PAPPA2: variants seen among roughly 807,000 people sequenced by gnomAD.
PAPPA2 encodes the protein pappalysin-2.
PAPPA2 carries 86 observed loss-of-function variants against 176.4 expected under a neutral mutation model. The ratio of observed to expected loss-of-function variants is 0.49; its 90% CI spans 0.41 to 0.58. The LOEUF is 0.58. Among genes scored for constraint, PAPPA2 ranks in the 20% least tolerant of loss-of-function variants. The pLI, the probability that PAPPA2 is intolerant of heterozygous loss-of-function variation, is 0.00. For missense variants in PAPPA2, 2,073 were observed against 2,256.9 expected, an observed-to-expected ratio of 0.92 and a Z score of 1.65; for synonymous variants, 809 against 852.2, an observed-to-expected ratio of 0.95 and a Z score of 0.88.
chr1:176,633,836 GA>G (rs1234049069), intron 3 of PAPPA2, among the ~76,000 whole-genome samples: 2 of 152,300 alleles, frequency 1.3e-5, no homozygotes, highest in East Asian at 3.9e-4. Flanking sequence ...ACAGACACAT[GA>G]AAAAATGCTC....
chr1:176,614,255 C>T (rs1311660603), intron 3 of PAPPA2, among the ~76,000 whole-genome samples: 1 of 152,128 alleles, frequency 6.6e-6, no homozygotes, highest in Non-Finnish European at 1.5e-5. Context: ...ATTTACCAGC[C>T]TTTACTAAGT....
At chr1:176,719,015 C>T (rs2102846523) in intron 12 of PAPPA2, among the ~76,000 whole-genome samples, 1 of 152,062 alleles carries the variant, frequency 6.6e-6, no homozygotes, top group Admixed American at 6.5e-5. Flanking sequence ...TTATATTCCT[C>T]CAAAAAAATC....
chr1:176,692,537 C>G (rs570556202), intron 6 of PAPPA2, among the ~76,000 whole-genome samples: 26 of 152,350 alleles, frequency 1.7e-4, no homozygotes, highest in South Asian at 1.4e-3. Context: ...GCTCACTCCC[C>G]CCTCAGGGAG....
rs1651322080 is a variant in PAPPA2, at chr1:176,556,719, A to T, written c.397A>T (p.Ser133Cys). 1 of 1,613,998 alleles carries T rather than the reference A, an allele frequency of 6.2e-7. No homozygotes were observed. Among genetic ancestry groups the T allele is most frequent in the African/African-American group, 1.3e-5 (1 of 74,932 alleles). Residue 133 changes from serine to cysteine, a missense_variant, in exon 2 of 23, where the codon AGT becomes TGT. Physicochemically the swap from Ser to Cys is moderately radical, Grantham distance 112 (BLOSUM62 -1). Transcript: ENST00000367662. ...EEPAAPWVGDSPIGQSELLGD... is the reference protein window; with the variant it reads ...EEPAAPWVGDCPIGQSELLGD... ...GCCGGCTGCCCCATGGGTAGGGGAT[A>T]GTCCTATTGGGCAATCTGAGCTGCT... is the stretch of plus-strand genomic sequence containing the variant.
intron 1 of PAPPA2, among the ~76,000 whole-genome samples, chr1:176,465,679 G>T (rs1247964784): frequency 1.3e-5 from 2 of 148,340 alleles, no homozygotes; most frequent in Non-Finnish European, 1.5e-5. Context: ...GAGTACATGT[G>T]CAGGTTTGTT....
intron 21 of PAPPA2, among the ~76,000 whole-genome samples, chr1:176,828,908 C>A (rs1306092722): frequency 6.6e-6 from 1 of 151,982 alleles, no homozygotes; most frequent in African/African-American, 2.4e-5. Context: ...GAGGCTGAGG[C>A]AGGAGAATCT....
At chr1:176,491,255 A>G (rs1647273640) in intron 1 of PAPPA2, among the ~76,000 whole-genome samples, 1 of 152,210 alleles carries the variant, frequency 6.6e-6, no homozygotes, top group Admixed American at 6.5e-5. Flanking sequence ...AAGAACATAG[A>G]GCTGTGATAT....
intron 4 of PAPPA2, among the ~76,000 whole-genome samples, chr1:176,673,214 T>C (rs948262791): frequency 1.3e-5 from 2 of 152,124 alleles, no homozygotes; most frequent in Non-Finnish European, 2.9e-5. Context: ...ATTTCCAAGA[T>C]GGTCGGGTAA....
chr1:176,710,191 A>G lies in PAPPA2; in HGVS notation c.3651+15A>G. 6.2e-7 allele frequency: 1 copy of G among 1,611,352 alleles called. No individual in the cohort carries two copies. Among genetic ancestry groups the G allele is most frequent in the Non-Finnish European group, 8.5e-7 (1 of 1,178,400 alleles). On this transcript the variant is annotated intron_variant, in intron 11 of 22. Coordinates refer to ENST00000367662, the MANE Select transcript of PAPPA2 (RefSeq NM_020318.3). The stretch of plus-strand genomic sequence containing the variant: ...CTCATTCCCTAGTAAGTTAAGCCAG[A>G]TGAATAGAGTCGAGCCTGCGCAAAA...
rs777700868 is a variant in PAPPA2 at position 176,800,056 on chromosome 1, C to CT, written c.5131-3dup. 7.4e-6 allele frequency: 12 copies of CT among 1,613,976 alleles called. No individual in the cohort carries two copies. On this transcript the variant is annotated splice_region_variant and splice_polypyrimidine_tract_variant and intron_variant, in intron 20 of 22. Transcript: ENST00000367662. ...GTTTTCTGTTTTTCCCGTCTTTCCC[C>CT]TTAGAGCATTGTGTGCACTGGCCGG... is the stretch of plus-strand genomic sequence containing the variant.
At position 176,739,641 on chromosome 1, in the gene PAPPA2, C is replaced by T. The variant is rs1181185605; in HGVS notation, c.3814C>T (p.Pro1272Ser). 1.2e-6 allele frequency: 2 copies of T among 1,613,152 alleles called. No homozygotes were observed. The highest frequency in any genetic ancestry group is 2.2e-5 in the South Asian group (2 of 91,024). The change falls in exon 13 of 23, where the codon CCA (proline) becomes TCA (serine). Residue 1272 changes from proline to serine, a missense_variant. By Grantham distance (74) the Pro-to-Ser change is moderately conservative. Around this residue, in one of 4 missense-constraint regions of PAPPA2, gnomAD observed 846 missense variants for 857.9 expected, o/e 0.99. Transcript: ENST00000367662. ...TTATGCTTAGGTGTGTTTCAATAGA[C>T]CAGGAGAGGCCAGAGCAATTTTTAT... ...EVWLKVCFNRPGEARAIFIFL... is the reference protein window; with the variant it reads ...EVWLKVCFNRSGEARAIFIFL...
At chr1:176,485,815 T>A (rs1324168000) in intron 1 of PAPPA2, among the ~76,000 whole-genome samples, 1 of 152,168 alleles carries the variant, frequency 6.6e-6, no homozygotes, top group Non-Finnish European at 1.5e-5. Context: ...AGGAAAGGCA[T>A]ACAGCTTTCA....
intron 1 of PAPPA2, among the ~76,000 whole-genome samples, chr1:176,521,985 C>T (rs1649238539): frequency 6.6e-6 from 1 of 152,060 alleles, no homozygotes; most frequent in Non-Finnish European, 1.5e-5. Flanking sequence ...ATAAGTCTTG[C>T]ACATCCTGTG....
chr1:176,833,216 T>C (rs1445805021), intron 21 of PAPPA2, among the ~76,000 whole-genome samples: 1 of 152,232 alleles, frequency 6.6e-6, no homozygotes, highest in Non-Finnish European at 1.5e-5. Flanking sequence ...CAGAAGATCC[T>C]TAACGTCTTA....
intron 15 of PAPPA2, among the ~76,000 whole-genome samples, chr1:176,769,057 C>G (rs1454237805): frequency 6.6e-6 from 1 of 152,210 alleles, no homozygotes; most frequent in African/African-American, 2.4e-5. Flanking sequence ...TCAGTCATCA[C>G]CCCTAGGCCT....
chr1:176,723,149 C>G (rs1280677929), intron 12 of PAPPA2, among the ~76,000 whole-genome samples: 1 of 152,098 alleles, frequency 6.6e-6, no homozygotes, highest in Non-Finnish European at 1.5e-5. Context: ...AAAAGCCACT[C>G]CTATGATAAC....
At chr1:176,589,788 A>G (rs1653543821) in intron 2 of PAPPA2, among the ~76,000 whole-genome samples, 1 of 152,248 alleles carries the variant, frequency 6.6e-6, no homozygotes. Flanking sequence ...ATGTTGCACA[A>G]ACTCAAGAGT....
In PAPPA2 at chr1:176,647,133, T is replaced by G. The variant is rs186820605; in HGVS notation, c.1992-23837T>G. ...CTAGGGTGAAATAATCTCCTTGTAG[T>G]ATTGATTTGCATTTCTTTGATGATC... On this transcript the variant is annotated intron_variant, in intron 3 of 22. Coordinates refer to ENST00000367662, the MANE Select transcript of PAPPA2 (RefSeq NM_020318.3). 3.1e-4 allele frequency among the ~76,000 whole-genome samples: 47 copies of G among 151,780 alleles called. 1 individual carries two copies. In the Middle Eastern group the frequency reaches 0.01, roughly 33 times the overall value.
At chr1:176,695,981 TGTGTGTGTGTGTGTGTGTG>T in intron 7 of PAPPA2, 122 bp downstream of exon 7, 1 of 660,936 alleles carries the variant, frequency 1.5e-6, no homozygotes, top group Non-Finnish European at 2.1e-6. Context: ...TGTGTGTGTG[TGTGTGTGTGTGTGTGTGTG>T]TGTGTGTTTT....
Sources: gnomAD v4.1 joint callset for allele counts (sites outside exome capture counted in the v4.1 genomes callset) on GRCh38, gnomAD v4.1.1 for gene constraint, gnomAD v4.1.1 regional missense constraint, MANE v1.5 for transcripts, NCBI Gene and HGNC (gene_info 2026-07-23, HGNC 2026-07-21) for gene names.